PTPRD: variants seen among roughly 807,000 people sequenced by gnomAD.
PTPRD encodes receptor-type tyrosine-protein phosphatase delta.
PTPRD carries 34 observed loss-of-function variants against 214.5 expected under a neutral mutation model. The observed-to-expected ratio is 0.16, with a 90% CI of 0.12 to 0.21. The LOEUF is 0.21. Ranked by LOEUF, PTPRD falls within the 10% of genes least tolerant of loss-of-function variation. The pLI, the probability that PTPRD is intolerant of heterozygous loss-of-function variation, is 1.00. For missense variants in PTPRD, 2,545 were observed against 2,398.7 expected (o/e 1.06, Z -1.27); for synonymous variants, 1,128 against 845.7 (o/e 1.33, Z -5.79).
intron 2 of PTPRD, among the ~76,000 whole-genome samples, chr9:10,594,526 G>T (rs911434833): frequency 1.3e-5 from 2 of 151,960 alleles, no homozygotes; most frequent in African/African-American, 4.8e-5. Flanking sequence ...TGATTGCCTT[G>T]AAAGGCAGAT....
chr9:9,923,128 G>A (rs1236399122), intron 5 of PTPRD, among the ~76,000 whole-genome samples: 1 of 150,624 alleles, frequency 6.6e-6, no homozygotes, highest in Non-Finnish European at 1.5e-5. Flanking sequence ...TGGGGGGTGT[G>A]TGTGTGTGTG....
chr9:9,922,397 T>A (rs149115484), intron 5 of PTPRD, among the ~76,000 whole-genome samples: 116 of 152,230 alleles, frequency 7.6e-4, no homozygotes, highest in African/African-American at 2.7e-3. Context: ...ACCTGTAACC[T>A]TCTTTCCCTT....
chr9:9,525,150 C>T (rs1033952117), intron 8 of PTPRD, among the ~76,000 whole-genome samples: 8 of 152,234 alleles, frequency 5.3e-5, no homozygotes, highest in Admixed American at 1.3e-4. Flanking sequence ...AGCCACCGCC[C>T]GGTCGGGTAA....
At chr9:9,542,087 A>C (rs2077715094) in intron 8 of PTPRD, among the ~76,000 whole-genome samples, 1 of 151,750 alleles carries the variant, frequency 6.6e-6, no homozygotes, top group South Asian at 2.1e-4. Flanking sequence ...AAAAATGACA[A>C]ACCCTGAGTT....
intron 14 of PTPRD, among the ~76,000 whole-genome samples, chr9:8,579,719 T>C (rs978031074): frequency 6.6e-6 from 1 of 152,224 alleles, no homozygotes; most frequent in African/African-American, 2.4e-5. Context: ...TAGAGTAAGG[T>C]TGCAGTGGAT....
intron 5 of PTPRD, among the ~76,000 whole-genome samples, chr9:9,793,069 G>T (rs895194304): frequency 1.4e-4 from 21 of 151,988 alleles, no homozygotes; most frequent in African/African-American, 2.4e-5. Flanking sequence ...GTGTGTGAAT[G>T]GATATGGATG....
chr9:8,335,803 A>T (rs1846074753), intron 43 of PTPRD, among the ~76,000 whole-genome samples: 1 of 152,208 alleles, frequency 6.6e-6, no homozygotes, highest in Non-Finnish European at 1.5e-5. Context: ...CTCAGGATAA[A>T]GAATTAATGT....
At chr9:9,027,869 T>A (rs2099592384) in intron 10 of PTPRD, among the ~76,000 whole-genome samples, 1 of 151,998 alleles carries the variant, frequency 6.6e-6, no homozygotes, top group African/African-American at 2.4e-5. Flanking sequence ...TGCCATTTGG[T>A]CTACTAACAG....
At chr9:8,527,052 T>C (rs770396134) in intron 16 of PTPRD, among the ~76,000 whole-genome samples, 5 of 151,986 alleles carry the variant, frequency 3.3e-5, no homozygotes, top group African/African-American at 7.2e-5. Context: ...TATATATATA[T>C]ACTGTGATAG....
At chr9:8,385,900 A>G (rs1023588034) in intron 37 of PTPRD, among the ~76,000 whole-genome samples, 1 of 152,160 alleles carries the variant, frequency 6.6e-6, no homozygotes, top group African/African-American at 2.4e-5. Flanking sequence ...CGTGGGCATA[A>G]TTAACCATGT....
chr9:9,299,339 T>G (rs1458265361), intron 9 of PTPRD, among the ~76,000 whole-genome samples: 3 of 151,640 alleles, frequency 2.0e-5, no homozygotes, highest in Non-Finnish European at 4.4e-5. Context: ...GGTAACATAT[T>G]TAATGATTTT....
intron 44 of PTPRD, among the ~76,000 whole-genome samples, chr9:8,324,726 A>G: frequency 6.6e-6 from 1 of 152,142 alleles, no homozygotes; most frequent in Non-Finnish European, 1.5e-5. Context: ...AACAGTGTAA[A>G]AGCATTCCTA....
chr9:9,978,227 T>C (rs2095425287), intron 4 of PTPRD, among the ~76,000 whole-genome samples: 1 of 152,094 alleles, frequency 6.6e-6, no homozygotes, highest in Non-Finnish European at 1.5e-5. Context: ...ACTGGACTCA[T>C]AGATCACCTG....
At chr9:10,477,974 G>C (rs986189156) in intron 2 of PTPRD, among the ~76,000 whole-genome samples, 3 of 151,730 alleles carry the variant, frequency 2.0e-5, no homozygotes, top group African/African-American at 7.3e-5. Context: ...ACCGAGAACT[G>C]TCAGGGGATG....
At chr9:9,357,378 T>C (rs908725156) in intron 9 of PTPRD, among the ~76,000 whole-genome samples, 21 of 151,532 alleles carry the variant, frequency 1.4e-4, no homozygotes, top group African/African-American at 5.1e-4. Context: ...TACCAATTTT[T>C]ATTCCTAAAG....
At position 10,329,996 on chromosome 9, in the gene PTPRD, A is replaced by T. The variant is rs533904502; in HGVS notation, c.-545+10967T>A. On this transcript the variant is annotated intron_variant, in intron 3 of 45. Coordinates refer to ENST00000381196, the MANE Select transcript of PTPRD (RefSeq NM_002839.4). ...ATTTGAAATGTAAAATCACTGGATTAGGAATAAAAGTTGGACTCTAGTAGA... is the reference window on the plus strand; with the variant it reads ...ATTTGAAATGTAAAATCACTGGATTTGGAATAAAAGTTGGACTCTAGTAGA... 7.9e-5 allele frequency among the ~76,000 whole-genome samples: 12 copies of T among 152,008 alleles called. No individual in the cohort carries two copies. In the South Asian group the frequency reaches 2.3e-3, roughly 29 times the overall value.
chr9:9,584,492 A>G (rs1235666689), intron 7 of PTPRD, among the ~76,000 whole-genome samples: 2 of 151,840 alleles, frequency 1.3e-5, no homozygotes, highest in African/African-American at 2.4e-5. Context: ...AAAGTAAAAT[A>G]TCTCCAACTC....
chr9:10,000,536 A>G (rs539772118), intron 4 of PTPRD, among the ~76,000 whole-genome samples: 1 of 152,290 alleles, frequency 6.6e-6, no homozygotes, highest in South Asian at 2.1e-4. Flanking sequence ...TTGTCGTCCA[A>G]CACCCACTAA....
chr9:9,839,531 C>A, intron 5 of PTPRD, among the ~76,000 whole-genome samples: 1 of 151,922 alleles, frequency 6.6e-6, no homozygotes. Flanking sequence ...AACTACAAAC[C>A]ACTGCTCAAT....
Sources: allele counts gnomAD v4.1 joint callset (sites outside exome capture counted in the v4.1 genomes callset), GRCh38; gene constraint gnomAD v4.1.1; transcripts MANE v1.5; gene names NCBI Gene and HGNC (gene_info 2026-07-23, HGNC 2026-07-21).